ERAP1: variants seen among roughly 807,000 people sequenced by gnomAD.
The protein encoded by ERAP1 is endoplasmic reticulum aminopeptidase 1, also known as adipocyte-derived leucine aminopeptidase.
ERAP1 carries 86 observed loss-of-function variants against 103.7 expected under a neutral mutation model. The observed-to-expected ratio is 0.83, with a 90% CI of 0.70 to 0.99. The LOEUF (loss-of-function observed/expected upper bound fraction) is 0.99, where lower values mean the gene tolerates loss of function less well. Among genes scored for constraint, ERAP1 ranks in the 50% least tolerant of loss-of-function variants. The pLI is 0.00. For synonymous variants in ERAP1, 398 were observed against 402.4 expected (o/e 0.99, Z 0.13); for missense variants, 1,009 against 1,128.4 (o/e 0.89, Z 1.52).
intron 15 of ERAP1, among the ~76,000 whole-genome samples, chr5:96,782,300 C>T (rs114006288): frequency 0.092 from 13,927 of 152,026 alleles, 836 homozygotes; most frequent in Middle Eastern, 0.16. Flanking sequence ...TGAGCCACCG[C>T]GCCTGGCCTA....
the ERAP1 span, among the ~76,000 whole-genome samples, chr5:96,871,778 T>C: frequency 1.9e-4 from 29 of 152,364 alleles, no homozygotes; most frequent in South Asian, 2.3e-3. Context: ...TTTCTGTTTT[T>C]GTTTTCAGTA....
At chr5:96,903,284 T>C in the ERAP1 span, 11 of 1,006,962 alleles carry the variant, frequency 1.1e-5, no homozygotes, top group Non-Finnish European at 1.4e-5. Flanking sequence ...TTCCCATTGA[T>C]TTATAAGTAA....
chr5:96,765,361 A>G (rs199582120), intron 19 of ERAP1: 1 of 836,344 alleles, frequency 1.2e-6, no homozygotes, highest in Non-Finnish European at 1.8e-6. Context: ...AAATTCACTA[A>G]TAGTGAAATT....
upstream of ERAP1, among the ~76,000 whole-genome samples, chr5:96,811,711 C>T (rs1779168832): frequency 6.6e-6 from 1 of 152,244 alleles, no homozygotes; most frequent in Admixed American, 6.5e-5. Context: ...TCTGTAGGAA[C>T]AACTCAAGCA....
the ERAP1 span, among the ~76,000 whole-genome samples, chr5:96,816,680 A>G: frequency 0.66 from 100,324 of 151,988 alleles, 33,613 homozygotes; most frequent in Non-Finnish European, 0.72. Flanking sequence ...ATGCGTAGAT[A>G]TAGTACCCCA....
At chr5:96,907,822 G>T in the ERAP1 span, among the ~76,000 whole-genome samples, 1 of 152,142 alleles carries the variant, frequency 6.6e-6, no homozygotes, top group East Asian at 1.9e-4. Context: ...GGCAGAGGTT[G>T]CAGTGAGCTG....
the ERAP1 span, among the ~76,000 whole-genome samples, chr5:96,869,240 G>A: frequency 6.6e-6 from 1 of 152,040 alleles, no homozygotes; most frequent in African/African-American, 2.4e-5. Context: ...AAGCTAGGTG[G>A]TAAACTGTAC....
At chr5:96,842,891 C>A in the ERAP1 span, among the ~76,000 whole-genome samples, 2 of 152,158 alleles carry the variant, frequency 1.3e-5, no homozygotes, top group African/African-American at 4.8e-5. Flanking sequence ...CCACTGTTAT[C>A]TTCTAGAAAT....
At chr5:96,912,063 G>A in the ERAP1 span, among the ~76,000 whole-genome samples, 1 of 150,338 alleles carries the variant, frequency 6.7e-6, no homozygotes, top group East Asian at 2.0e-4. Context: ...GGTGGCGGGC[G>A]CCTGTAGTCC....
At chr5:96,895,359 T>C in the ERAP1 span, 2 of 1,588,604 alleles carry the variant, frequency 1.3e-6, no homozygotes, top group Admixed American at 3.4e-5. Flanking sequence ...AGCTGCAATT[T>C]GTAAGTTCAC....
the ERAP1 span, among the ~76,000 whole-genome samples, chr5:96,895,865 T>C: frequency 1.3e-5 from 2 of 152,222 alleles, no homozygotes. Flanking sequence ...AGGTGGTTAG[T>C]AATGGTTAAT....
chr5:96,797,768 A>G (rs926671434), intron 3 of ERAP1, among the ~76,000 whole-genome samples: 8 of 152,368 alleles, frequency 5.3e-5, no homozygotes, highest in Non-Finnish European at 8.8e-5. Context: ...TTATTGAGAT[A>G]TAATTCATAT....
chr5:96,909,190 TTG>T, the ERAP1 span: 1 of 1,454,398 alleles, frequency 6.9e-7, no homozygotes, highest in Non-Finnish European at 9.6e-7. Context: ...TCAGTTTGTT[TTG>T]TGTGAAGTCC....
chr5:96,889,537 A>G, the ERAP1 span: 1 of 693,074 alleles, frequency 1.4e-6, no homozygotes, highest in Non-Finnish European at 2.6e-6. Context: ...TAACGTTAAC[A>G]TATCTGCATC....
At chr5:96,786,319 G>A (rs1269016549) in intron 12 of ERAP1, 151 bp downstream of exon 12, 2 of 653,476 alleles carry the variant, frequency 3.1e-6, no homozygotes, top group Non-Finnish European at 5.5e-6. Flanking sequence ...TATCTGGCAA[G>A]ATATTGGCCA....
At chr5:96,902,817 C>A in the ERAP1 span, 1 of 155,696 alleles carries the variant, frequency 6.4e-6, no homozygotes, top group South Asian at 2.0e-4. Context: ...CTAAACCTCA[C>A]AGAGTTGTTG....
intron 19 of ERAP1, chr5:96,766,096 A>G (rs1317296341): frequency 1.2e-6 from 2 of 1,611,772 alleles, no homozygotes; most frequent in African/African-American, 2.7e-5. Context: ...GGAGAAAGAG[A>G]TGACACTATC....
the ERAP1 span, chr5:96,896,648 C>A: frequency 6.9e-7 from 1 of 1,458,184 alleles, no homozygotes; most frequent in Non-Finnish European, 9.2e-7. Context: ...ACACATGTTC[C>A]GTAAAATTTA....
chr5:96,797,992 C>T (rs1395118626), intron 3 of ERAP1, among the ~76,000 whole-genome samples: 1 of 152,044 alleles, frequency 6.6e-6, no homozygotes, highest in Non-Finnish European at 1.5e-5. Context: ...AATATATAAC[C>T]CTGTAGTACC....
Sources: allele counts gnomAD v4.1 joint callset (sites outside exome capture counted in the v4.1 genomes callset), GRCh38; gene constraint gnomAD v4.1.1; transcripts MANE v1.5; gene names NCBI Gene and HGNC (gene_info 2026-07-23, HGNC 2026-07-21).